The following CACNB4 variants were observed in gnomAD, a reference collection of about 807,000 sequenced individuals.
The protein encoded by CACNB4 is voltage-dependent L-type calcium channel subunit beta-4.
A neutral mutation model predicts 71.2 loss-of-function variants in CACNB4; 32 were observed. The ratio of observed to expected loss-of-function variants is 0.45; its 90% CI spans 0.34 to 0.60. The LOEUF (loss-of-function observed/expected upper bound fraction) is 0.60, where lower values mean the gene tolerates loss of function less well. Ranked by LOEUF, CACNB4 falls within the 20% of genes least tolerant of loss-of-function variation. The probability of loss-of-function intolerance (pLI) is 0.01; values close to 1 mark genes in which losing one functional copy is unlikely to be tolerated. For missense variants in CACNB4, 464 were observed against 647.9 expected (o/e 0.72, Z 3.08); for synonymous variants, 231 against 236.9 (o/e 0.97, Z 0.23).
chr2:151,979,765 C>G (rs1460693638), intron 2 of CACNB4, among the ~76,000 whole-genome samples: 2 of 152,168 alleles, frequency 1.3e-5, no homozygotes, highest in Non-Finnish European at 2.9e-5. Context: ...CACTGAAGAT[C>G]CTGAAGACAG....
chr2:151,902,002 C>T lies in CACNB4; in HGVS notation c.148-18632G>A, dbSNP rs2099853556. Among the ~76,000 whole-genome samples the T allele has an allele frequency of 2.0e-5, 3 of 150,110 alleles. No individual in the cohort carries two copies. The South Asian group carries it at 6.3e-4, about 32-fold the overall frequency. Reference sequence around the variant, plus strand: ...AAGTAGATGCAGCTGAAGTTGGCAACGTTCTCCCTAGTGGGTAACACAACA... The same window carrying T: ...AAGTAGATGCAGCTGAAGTTGGCAATGTTCTCCCTAGTGGGTAACACAACA... On this transcript the variant is annotated intron_variant, in intron 2 of 13. Coordinates refer to ENST00000539935, the MANE Select transcript of CACNB4 (RefSeq NM_000726.5).
rs1056705605 is a variant in CACNB4 at position 151,982,612 on chromosome 2, G to A, written c.148-99242C>T. Among the ~76,000 whole-genome samples the A allele has an allele frequency of 1.2e-4, 16 of 138,864 alleles. 1 individual carries two copies. In the East Asian group the frequency reaches 1.2e-3, roughly 11 times the overall value. 91.1% of individuals were successfully genotyped at this position (138,864 alleles called of 152,430 possible). ...TGCACCACTGCACTCCAGCCTGGAC[G>A]ACAGAGCGAGACTCCGTCTCAAAAA... is the stretch of plus-strand genomic sequence containing the variant. On this transcript the variant is annotated intron_variant, in intron 2 of 13. Coordinates refer to ENST00000539935, the MANE Select transcript of CACNB4 (RefSeq NM_000726.5).
At chr2:151,965,916 T>G (rs1050890931) in intron 2 of CACNB4, among the ~76,000 whole-genome samples, 3 of 152,234 alleles carry the variant, frequency 2.0e-5, no homozygotes, top group Admixed American at 2.0e-4. Context: ...CTCAAAGATA[T>G]GTACCACATA....
chr2:152,046,393 G>C (rs1685143110), intron 2 of CACNB4, among the ~76,000 whole-genome samples: 2 of 152,190 alleles, frequency 1.3e-5, no homozygotes, highest in South Asian at 4.1e-4. Context: ...CTTTGGCCTA[G>C]AGCAATTTTA....
At chr2:152,011,445 G>A (rs1051030806) in intron 2 of CACNB4, among the ~76,000 whole-genome samples, 3 of 152,148 alleles carry the variant, frequency 2.0e-5, no homozygotes, top group East Asian at 1.9e-4. Context: ...CTTGAAGCAC[G>A]GAGAAATCAA....
intron 2 of CACNB4, among the ~76,000 whole-genome samples, chr2:151,917,694 G>A (rs2099857875): frequency 6.6e-6 from 1 of 152,058 alleles, no homozygotes; most frequent in Non-Finnish European, 1.5e-5. Context: ...AAATTAGCAA[G>A]GCATGGTGGC....
chr2:151,869,236 C>T lies in CACNB4; in HGVS notation c.700-1G>A. On this transcript the variant is annotated splice_acceptor_variant, in intron 8 of 13. Transcript: ENST00000539935. LOFTEE classifies it high-confidence loss of function. ...GGGCTTTCTGCATCATGTCTGTTAC[C>T]TTTGCAGAGGTGAGAAAAAAAGAAT... 1 of 1,554,418 alleles carries T rather than the reference C, an allele frequency of 6.4e-7. No individual in the cohort carries two copies. The highest frequency in any genetic ancestry group is 1.2e-5 in the South Asian group (1 of 84,720).
rs1319704904 is a variant in CACNB4 at position 151,876,454 on chromosome 2, C to A, written c.493G>T (p.Glu165Ter). The change falls in exon 5 of 14, where the codon GAA becomes TAA. Residue 165 changes from glutamate (E) to a stop codon, truncating the protein, a stop_gained. Coordinates refer to ENST00000539935, the MANE Select transcript of CACNB4 (RefSeq NM_000726.5). LOFTEE classifies it high-confidence loss of function. ...CCGTGAAAACGTCCTCTTTTTTGTTCTTGCTGGATCCGTATGTTCTCCAAT... is the reference window on the plus strand; with the variant it reads ...CCGTGAAAACGTCCTCTTTTTTGTTATTGCTGGATCCGTATGTTCTCCAAT... ...LRLENIRIQQ[E>*]QKRGRFHGGK... is the part of the protein sequence containing the mutation. 1 of 1,600,146 alleles carries A rather than the reference C, an allele frequency of 6.2e-7. No homozygotes were observed. The highest frequency in any genetic ancestry group is 8.5e-7 in the Non-Finnish European group (1 of 1,171,302).
intron 2 of CACNB4, among the ~76,000 whole-genome samples, chr2:151,994,246 T>C (rs915013421): frequency 1.3e-5 from 2 of 152,160 alleles, no homozygotes; most frequent in Admixed American, 6.5e-5. Context: ...TTCTTTTTTT[T>C]TCAGACACTG....
At chr2:152,071,733 G>C (rs1167774241) in intron 2 of CACNB4, among the ~76,000 whole-genome samples, 2 of 152,188 alleles carry the variant, frequency 1.3e-5, no homozygotes, top group Non-Finnish European at 2.9e-5. Flanking sequence ...TTATAGTGTG[G>C]AAGTACAATG....
rs530876078 is a variant in CACNB4, at chr2:151,963,336, G to T, written c.148-79966C>A. Among the ~76,000 whole-genome samples, 37 of 142,262 alleles carry T rather than the reference G, an allele frequency of 2.6e-4. No individual in the cohort carries two copies. The South Asian group carries it at 4.5e-3, about 17-fold the overall frequency. The allele number at this position is 142,262 out of a possible 152,430, so 93.3% of individuals were successfully genotyped here. Reference sequence around the variant, plus strand: ...CAAAAAAAAAAAAAAAAAAAAAAATGTGAGGAAGGCTCTAGGTCCACTTCT... The same window carrying T: ...CAAAAAAAAAAAAAAAAAAAAAAATTTGAGGAAGGCTCTAGGTCCACTTCT... On this transcript the variant is annotated intron_variant, in intron 2 of 13. Transcript: ENST00000539935.
At chr2:151,890,998 T>C (rs766793662) in intron 2 of CACNB4, among the ~76,000 whole-genome samples, 1 of 152,182 alleles carries the variant, frequency 6.6e-6, no homozygotes, top group Non-Finnish European at 1.5e-5. Context: ...TTTCTTGTAA[T>C]TAAATTATAA....
intron 2 of CACNB4, among the ~76,000 whole-genome samples, chr2:151,955,884 C>G (rs1037981302): frequency 4.1e-5 from 6 of 145,866 alleles, no homozygotes; most frequent in Non-Finnish European, 3.0e-5. Context: ...CCTGGGCCAA[C>G]AGAGCAAGGC....
chr2:152,085,281 C>T (rs1204668964), intron 2 of CACNB4, among the ~76,000 whole-genome samples: 2 of 152,058 alleles, frequency 1.3e-5, no homozygotes, highest in Admixed American at 1.3e-4. Context: ...GAGATGGGAG[C>T]ACGGCTGCTT....
At chr2:152,003,668 C>T (rs186674399) in intron 2 of CACNB4, among the ~76,000 whole-genome samples, 87 of 152,174 alleles carry the variant, frequency 5.7e-4, no homozygotes, top group African/African-American at 2.1e-3. Context: ...AACCTCTCTT[C>T]GTTTTCCAGC....
chr2:151,915,918 G>C (rs911497510), intron 2 of CACNB4, among the ~76,000 whole-genome samples: 2 of 151,932 alleles, frequency 1.3e-5, no homozygotes, highest in African/African-American at 4.8e-5. Flanking sequence ...TGGGTGGCTT[G>C]GGTTCGTGAG....
intron 2 of CACNB4, among the ~76,000 whole-genome samples, chr2:151,989,706 A>C (rs1681583597): frequency 1.3e-5 from 2 of 152,150 alleles, no homozygotes; most frequent in African/African-American, 4.8e-5. Context: ...AAGTTCAACA[A>C]CCACATATTC....
chr2:151,912,613 A>G (rs1476879575), intron 2 of CACNB4, among the ~76,000 whole-genome samples: 1 of 152,250 alleles, frequency 6.6e-6, no homozygotes, highest in Non-Finnish European at 1.5e-5. Context: ...AATAAATGCC[A>G]GGTGGCACTG....
chr2:152,069,539 T>G (rs2105365204), intron 2 of CACNB4, among the ~76,000 whole-genome samples: 1 of 151,196 alleles, frequency 6.6e-6, no homozygotes, highest in Admixed American at 6.6e-5. Flanking sequence ...ATCAAATTCT[T>G]CCTTCACACA....
Sources: allele counts gnomAD v4.1 joint callset (sites outside exome capture counted in the v4.1 genomes callset), GRCh38; gene constraint gnomAD v4.1.1; transcripts MANE v1.5; gene names NCBI Gene and HGNC (gene_info 2026-07-23, HGNC 2026-07-21).